NWD2: variants seen among roughly 807,000 people sequenced by gnomAD.
NWD2 encodes NACHT and WD repeat domain containing 2.
NWD2 carries 37 observed loss-of-function variants against 132.7 expected under a neutral mutation model. The observed-to-expected ratio is 0.28, with a 90% confidence interval of 0.21 to 0.37. NWD2 has a LOEUF of 0.37. NWD2 is among the 10% of genes least tolerant of loss of function. The pLI is 1.00. For synonymous variants in NWD2, 705 were observed against 803.0 expected, an observed-to-expected ratio of 0.88 and a Z score of 2.06; for missense variants, 1,592 against 2,122.4, an observed-to-expected ratio of 0.75 and a Z score of 4.91.
At chr4:37,352,076 G>T (rs2109299129) in intron 2 of NWD2, among the ~76,000 whole-genome samples, 1 of 152,272 alleles carries the variant, frequency 6.6e-6, no homozygotes, top group South Asian at 2.1e-4. Context: ...TTTTGCATTT[G>T]CTGAGGAGTG....
rs529049417 is a variant in NWD2 at position 37,445,572 on chromosome 4, T to C, written c.3584T>C (p.Ile1195Thr). 2.4e-5 allele frequency: 38 copies of C among 1,552,268 alleles called. No individual in the cohort carries two copies. Among genetic ancestry groups the C allele is most frequent in the African/African-American group, 4.1e-5 (3 of 73,172 alleles). The change falls in exon 7 of 7, where the codon ATT becomes ACT. Residue 1195 changes from isoleucine to threonine, a missense_variant. Coordinates refer to ENST00000309447, the MANE Select transcript of NWD2 (RefSeq NM_001144990.2). The surrounding 1 kb of genome is among the most constrained non-coding windows in gnomAD (Gnocchi z 4.7). The stretch of plus-strand genomic sequence containing the variant: ...AGAGAAGACAGTGAGGTGGTCAGCA[T>C]TGAGCTTTCAGAAGACCAAAGTGCA... ...CRREDSEVVS[I>T]ELSEDQSAVL...
chr4:37,434,697 GAGCAACA>G (rs1308459495), intron 5 of NWD2, among the ~76,000 whole-genome samples: 2 of 151,986 alleles, frequency 1.3e-5, no homozygotes, highest in Admixed American at 6.6e-5. Context: ...CCAGCAGAGG[GAGCAACA>G]GATTTAAGAT....
chr4:37,334,857 C>T (rs538096909), intron 2 of NWD2, among the ~76,000 whole-genome samples: 11 of 152,266 alleles, frequency 7.2e-5, no homozygotes, highest in South Asian at 4.1e-4. Context: ...TTCTTTACCT[C>T]TGACATCCAT....
At chr4:37,327,600 G>T (rs1313579604) in intron 2 of NWD2, among the ~76,000 whole-genome samples, 1 of 152,182 alleles carries the variant, frequency 6.6e-6, no homozygotes, top group African/African-American at 2.4e-5. Flanking sequence ...TTACATGTCT[G>T]AGGTTGTGTT....
chr4:37,337,835 C>T (rs962182096), intron 2 of NWD2, among the ~76,000 whole-genome samples: 1 of 151,922 alleles, frequency 6.6e-6, no homozygotes, highest in African/African-American at 2.4e-5. Context: ...TAAAACAGAA[C>T]TCATCCTCCT....
chr4:37,275,112 T>C (rs1296856182), intron 1 of NWD2, among the ~76,000 whole-genome samples: 10 of 152,150 alleles, frequency 6.6e-5, no homozygotes, highest in Admixed American at 5.9e-4. Flanking sequence ...ATAAAGGGTA[T>C]TCAATTAGGA....
chr4:37,443,251 T>C lies in NWD2; in HGVS notation c.1297-34T>C, dbSNP rs1433189278. On this transcript the variant is annotated intron_variant, in intron 6 of 6. Transcript: ENST00000309447. The surrounding 1 kb of genome is among the most constrained non-coding windows in gnomAD (Gnocchi z 4.1). ...TATCACATATGACCATGTGAATACA[T>C]ATTACCATTCTAAACTCCACTTTTG... is the stretch of plus-strand genomic sequence containing the variant. 19 of 1,501,808 alleles carry C rather than the reference T, an allele frequency of 1.3e-5. 1 individual carries two copies. The highest frequency in any genetic ancestry group is 1.2e-4 in the African/African-American group (9 of 72,124). The allele number at this position is 1,501,808 out of a possible 1,614,324, so 93.0% of individuals were successfully genotyped here. A position where few individuals can be genotyped will look rare whatever the true frequency, so the allele number is the denominator to read the frequency against.
At chr4:37,406,546 G>A (rs961854562) in intron 3 of NWD2, among the ~76,000 whole-genome samples, 22 of 152,126 alleles carry the variant, frequency 1.4e-4, no homozygotes, top group Admixed American at 1.2e-3. Context: ...CAACCCAAAT[G>A]CCCATGAATG....
At position 37,356,626 on chromosome 4, in the gene NWD2, GCT is replaced by G. The variant is rs1434401330; in HGVS notation, c.357+148_357+149del. 2.0e-5 allele frequency: 12 copies of G among 595,292 alleles called. No individual in the cohort carries two copies. In the East Asian group the frequency reaches 3.4e-4, roughly 17 times the overall value. 36.9% of individuals were successfully genotyped at this position (595,292 alleles called of 1,614,324 possible). On this transcript the variant is annotated intron_variant, in intron 3 of 6. Coordinates refer to ENST00000309447, the MANE Select transcript of NWD2 (RefSeq NM_001144990.2). ...TTTAAACATTTTAAGCTGTCTCCTG[GCT>G]CTCAATGTATGAGAACAAAAAGCTT...
At chr4:37,360,960 AAAC>A (rs1417249943) in intron 3 of NWD2, among the ~76,000 whole-genome samples, 2 of 152,168 alleles carry the variant, frequency 1.3e-5, no homozygotes, top group African/African-American at 4.8e-5. Context: ...CTTCAATCAG[AAAC>A]AACAAAGGTG....
In NWD2 at chr4:37,443,355, C is replaced by T. The variant is rs372373854; in HGVS notation, c.1367C>T (p.Thr456Met). ...DPVVIVRFLG[T>M]TDMSSDLRTL... ...GTAGTCATCGTGAGATTTCTAGGAA[C>T]GACAGACATGAGCTCTGACCTTAGG... Residue 456 changes from threonine to methionine, a missense_variant, in exon 7 of 7, where the codon ACG (threonine) becomes ATG (methionine). Around this residue, in one of 7 missense-constraint regions of NWD2, gnomAD observed 1,071 missense variants for 1,398.0 expected, o/e 0.77. Transcript: ENST00000309447. This position sits in a 1 kb window ranked among gnomAD's most constrained non-coding sequence, Gnocchi z 4.1. 1.4e-4 allele frequency: 212 copies of T among 1,551,648 alleles called. 1 individual carries two copies. Among genetic ancestry groups the T allele is most frequent in the South Asian group, 8.0e-4 (67 of 84,058 alleles).
At chr4:37,321,481 T>C (rs61503525) in intron 1 of NWD2, among the ~76,000 whole-genome samples, 2 of 152,296 alleles carry the variant, frequency 1.3e-5, no homozygotes, top group East Asian at 3.9e-4. Flanking sequence ...AAAGTGTTAA[T>C]GCACCTTTTC....
chr4:37,333,724 C>G (rs1719340196), intron 2 of NWD2, among the ~76,000 whole-genome samples: 1 of 152,070 alleles, frequency 6.6e-6, no homozygotes, highest in South Asian at 2.1e-4. Context: ...CAAATGAGTT[C>G]AGGAAGGCAC....
intron 1 of NWD2, among the ~76,000 whole-genome samples, chr4:37,272,444 T>C (rs1457772281): frequency 1.3e-5 from 2 of 151,828 alleles, no homozygotes; most frequent in Non-Finnish European, 2.9e-5. Context: ...AATTTATAAT[T>C]CAGTTTCTTT....
chr4:37,323,296 A>G (rs1304225381), intron 1 of NWD2, among the ~76,000 whole-genome samples: 2 of 152,216 alleles, frequency 1.3e-5, no homozygotes, highest in East Asian at 1.9e-4. Flanking sequence ...TTCACAAACT[A>G]TGCATCCTAC....
chr4:37,433,396 A>C (rs1328688264), intron 4 of NWD2, among the ~76,000 whole-genome samples: 2 of 152,216 alleles, frequency 1.3e-5, no homozygotes, highest in Non-Finnish European at 2.9e-5. Flanking sequence ...TTATTGAATA[A>C]ATGAATGTGT....
chr4:37,246,675 C>T (rs1473344725), intron 1 of NWD2, among the ~76,000 whole-genome samples: 2 of 152,164 alleles, frequency 1.3e-5, no homozygotes, highest in African/African-American at 4.8e-5. Flanking sequence ...ATTGCTAGAA[C>T]ATTTTTAAGT....
At position 37,447,214 on chromosome 4, in the gene NWD2, C is replaced by T; in HGVS notation, c.5226C>T (p.Asn1742=). The part of the protein sequence containing the change: ...EARGHSYAPD[N] ...GGGGCCACAGCTATGCCCCTGATAA[C>T]TGACAAAATGTTTTCCAGCTAAGCA... Residue 1742 remains asparagine, a synonymous_variant, in exon 7 of 7, where the codon AAC becomes AAT. Coordinates refer to ENST00000309447, the MANE Select transcript of NWD2 (RefSeq NM_001144990.2). 1.9e-6 allele frequency: 3 copies of T among 1,542,832 alleles called. No homozygotes were observed. The highest frequency in any genetic ancestry group is 1.7e-4 in the Middle Eastern group (1 of 5,944).
intron 3 of NWD2, among the ~76,000 whole-genome samples, chr4:37,428,559 C>T (rs1391425954): frequency 1.3e-5 from 2 of 152,224 alleles, no homozygotes; most frequent in African/African-American, 4.8e-5. Context: ...ATAAATTGCT[C>T]AGCTCTGTAA....
Sources: gnomAD v4.1 joint callset for allele counts (sites outside exome capture counted in the v4.1 genomes callset) on GRCh38, gnomAD v4.1.1 for gene constraint, gnomAD v4.1.1 regional missense constraint, Gnocchi (gnomAD v3.1) non-coding constraint, MANE v1.5 for transcripts, NCBI Gene and HGNC (gene_info 2026-07-23, HGNC 2026-07-21) for gene names.